The following DNAAF11 variants were observed in gnomAD, a reference collection of about 807,000 sequenced individuals.
DNAAF11 encodes the protein dynein axonemal assembly factor 11, also known as leucine rich repeat containing 6.
DNAAF11 carries 45 observed loss-of-function variants against 60.8 expected under a neutral mutation model. The observed-to-expected ratio is 0.74, with a 90% CI of 0.58 to 0.95. The LOEUF (loss-of-function observed/expected upper bound fraction) is 0.95. DNAAF11 is among the 40% of genes least tolerant of loss of function. The pLI is 0.00. For synonymous variants in DNAAF11, 191 were observed against 183.5 expected (o/e 1.04, Z -0.33); for missense variants, 546 against 546.2 (o/e 1.00, Z 0.00).
chr8:132,688,414 G>A, the DNAAF11 span, among the ~76,000 whole-genome samples: 1 of 152,142 alleles, frequency 6.6e-6, no homozygotes, highest in Admixed American at 6.5e-5. Context: ...CTCTCCATGA[G>A]GGTTTGTATG....
chr8:132,638,616 CAA>C (rs1445420886), intron 3 of DNAAF11, among the ~76,000 whole-genome samples: 1 of 152,044 alleles, frequency 6.6e-6, no homozygotes, highest in East Asian at 1.9e-4. Flanking sequence ...CCAATATTTG[CAA>C]AGTCACCTAG....
intron 7 of DNAAF11, among the ~76,000 whole-genome samples, chr8:132,617,399 T>C (rs1353977457): frequency 6.6e-6 from 1 of 152,208 alleles, no homozygotes; most frequent in East Asian, 1.9e-4. Flanking sequence ...AGAAGGATGG[T>C]ACTGAAGCAA....
chr8:132,648,320 G>T (rs201495390), intron 3 of DNAAF11, among the ~76,000 whole-genome samples: 5 of 152,088 alleles, frequency 3.3e-5, no homozygotes, highest in South Asian at 4.1e-4. Flanking sequence ...CCCTTCATGC[G>T]AAAAACTCTC....
At chr8:132,613,506 A>G (rs955801133) in intron 8 of DNAAF11, among the ~76,000 whole-genome samples, 2 of 152,228 alleles carry the variant, frequency 1.3e-5, no homozygotes, top group African/African-American at 4.8e-5. Flanking sequence ...AAAACAGATT[A>G]GTGGTTGCCA....
upstream of DNAAF11, among the ~76,000 whole-genome samples, chr8:132,677,751 G>A (rs1250878583): frequency 6.6e-6 from 1 of 152,068 alleles, no homozygotes; most frequent in Non-Finnish European, 1.5e-5. Context: ...AAAAAATCGG[G>A]GTGCTGGTGC....
At chr8:132,673,781 T>C (rs904524167) in intron 1 of DNAAF11, among the ~76,000 whole-genome samples, 1 of 152,080 alleles carries the variant, frequency 6.6e-6, no homozygotes. Context: ...GGCACCCCTC[T>C]CTCTCCTGGC....
intron 1 of DNAAF11, among the ~76,000 whole-genome samples, chr8:132,672,350 A>G (rs111475975): frequency 0.016 from 2,439 of 152,298 alleles, 67 homozygotes; most frequent in African/African-American, 0.055. Context: ...TCCTCTTGCC[A>G]CCATCCCCAG....
chr8:132,616,397 AT>A, intron 7 of DNAAF11, among the ~76,000 whole-genome samples: 1 of 152,274 alleles, frequency 6.6e-6, no homozygotes. Context: ...TTAATAAGCA[AT>A]TGCAACTGTC....
chr8:132,665,268 T>C (rs898446189), intron 1 of DNAAF11, among the ~76,000 whole-genome samples: 1 of 152,128 alleles, frequency 6.6e-6, no homozygotes, highest in Non-Finnish European at 1.5e-5. Flanking sequence ...TAAAGATATC[T>C]TCATGGTGCA....
At chr8:132,592,824 A>G (rs918803214) in intron 10 of DNAAF11, among the ~76,000 whole-genome samples, 4 of 152,160 alleles carry the variant, frequency 2.6e-5, no homozygotes, top group Non-Finnish European at 5.9e-5. Flanking sequence ...ACTTGAATGT[A>G]AAGAGTGAAG....
intron 10 of DNAAF11, among the ~76,000 whole-genome samples, chr8:132,593,095 C>CA (rs1816632339): frequency 6.7e-6 from 1 of 150,224 alleles, no homozygotes; most frequent in African/African-American, 2.4e-5. Context: ...GATGTACTTA[C>CA]AAAAAAAGAC....
the DNAAF11 span, among the ~76,000 whole-genome samples, chr8:132,686,065 A>T: frequency 3.3e-5 from 5 of 152,192 alleles, no homozygotes; most frequent in Non-Finnish European, 7.3e-5. Context: ...AAGACTGAAG[A>T]TGATGATATG....
At chr8:132,667,649 C>T (rs1824764639) in intron 1 of DNAAF11, among the ~76,000 whole-genome samples, 1 of 152,162 alleles carries the variant, frequency 6.6e-6, no homozygotes, top group South Asian at 2.1e-4. Flanking sequence ...GAAATAAGCT[C>T]TTGATGAAGG....
At chr8:132,618,610 A>C (rs1242616384) in intron 7 of DNAAF11, among the ~76,000 whole-genome samples, 1 of 135,970 alleles carries the variant, frequency 7.4e-6, no homozygotes. Flanking sequence ...AGAAAAAAAC[A>C]AACAACCCCA....
At chr8:132,590,419 G>A (rs1375498720) in intron 10 of DNAAF11, among the ~76,000 whole-genome samples, 1 of 152,110 alleles carries the variant, frequency 6.6e-6, no homozygotes, top group African/African-American at 2.4e-5. Flanking sequence ...CAGGAATAGT[G>A]GTAACTTCCT....
intron 5 of DNAAF11, among the ~76,000 whole-genome samples, chr8:132,628,780 C>A (rs1459658695): frequency 6.6e-6 from 1 of 152,150 alleles, no homozygotes; most frequent in Non-Finnish European, 1.5e-5. Flanking sequence ...ATAAGGGAGG[C>A]AAGAAGGCAC....
chr8:132,624,446 CA>C (rs778041521), intron 6 of DNAAF11, among the ~76,000 whole-genome samples: 12 of 152,180 alleles, frequency 7.9e-5, no homozygotes, highest in Admixed American at 5.2e-4. Context: ...GTTTTACAAA[CA>C]AGTATTTTAG....
At chr8:132,684,843 A>G in the DNAAF11 span, among the ~76,000 whole-genome samples, 15 of 152,200 alleles carry the variant, frequency 9.9e-5, no homozygotes, top group African/African-American at 3.6e-4. Flanking sequence ...AAGTGATAAA[A>G]CATTGATGTC....
chr8:132,584,239 T>G (rs1815645599), intron 10 of DNAAF11, among the ~76,000 whole-genome samples: 1 of 152,188 alleles, frequency 6.6e-6, no homozygotes, highest in South Asian at 2.1e-4. Context: ...AATCGGTTTA[T>G]GATCTGAAAG....
Sources: gnomAD v4.1 joint callset for allele counts (sites outside exome capture counted in the v4.1 genomes callset) on GRCh38, gnomAD v4.1.1 for gene constraint, MANE v1.5 for transcripts, NCBI Gene and HGNC (gene_info 2026-07-23, HGNC 2026-07-21) for gene names.